Variants in XRCC5 observed in about 807,000 individuals in gnomAD.
XRCC5 encodes DNA repair protein Ku80.
In XRCC5, 12 loss-of-function variants were observed where a neutral mutation model predicts 95.7. The ratio of observed to expected loss-of-function variants is 0.13; its 90% CI spans 0.08 to 0.20. XRCC5 has a LOEUF of 0.20. Among genes scored for constraint, XRCC5 ranks in the 10% least tolerant of loss-of-function variants. The pLI, the probability that XRCC5 is intolerant of heterozygous loss-of-function variation, is 1.00. For synonymous variants in XRCC5, 281 were observed against 290.3 expected, an observed-to-expected ratio of 0.97 and a Z score of 0.33; for missense variants, 595 against 873.9, an observed-to-expected ratio of 0.68 and a Z score of 4.02.
chr2:216,125,284 G>A (rs1238030838), intron 6 of XRCC5, among the ~76,000 whole-genome samples: 1 of 150,272 alleles, frequency 6.7e-6, no homozygotes, highest in South Asian at 2.1e-4. Context: ...CGCAACCTCC[G>A]CCTCCCAGGT....
At chr2:216,126,849 T>C (rs1386012682) in intron 7 of XRCC5, among the ~76,000 whole-genome samples, 1 of 152,120 alleles carries the variant, frequency 6.6e-6, no homozygotes, top group Non-Finnish European at 1.5e-5. Flanking sequence ...TCCCTCCTCT[T>C]TTATTTTGGC....
At chr2:216,190,961 T>C (rs954001658) in intron 17 of XRCC5, among the ~76,000 whole-genome samples, 6 of 152,226 alleles carry the variant, frequency 3.9e-5, no homozygotes, top group Non-Finnish European at 7.3e-5. Flanking sequence ...TAGTATATGT[T>C]CTTGTGTGGG....
At chr2:216,132,878 C>A (rs1362261158) in intron 10 of XRCC5, among the ~76,000 whole-genome samples, 1 of 152,214 alleles carries the variant, frequency 6.6e-6, no homozygotes, top group African/African-American at 2.4e-5. Flanking sequence ...TCTGCCCTTT[C>A]TGTAAATATT....
At chr2:216,162,697 T>G (rs576697180) in intron 16 of XRCC5, among the ~76,000 whole-genome samples, 1 of 152,220 alleles carries the variant, frequency 6.6e-6, no homozygotes, top group African/African-American at 2.4e-5. Flanking sequence ...CGGCCACATC[T>G]TCCTATTTTC....
chr2:216,203,480 C>G (rs1471179827), intron 19 of XRCC5, among the ~76,000 whole-genome samples: 3 of 152,214 alleles, frequency 2.0e-5, no homozygotes, highest in Non-Finnish European at 2.9e-5. Flanking sequence ...CTCCCCACTG[C>G]TATCCCTTGG....
chr2:216,177,027 T>G (rs556573184), intron 16 of XRCC5, among the ~76,000 whole-genome samples: 1 of 152,246 alleles, frequency 6.6e-6, no homozygotes, highest in African/African-American at 2.4e-5. Context: ...TGTTGTTGAT[T>G]TTTAATTCTG....
intron 19 of XRCC5, among the ~76,000 whole-genome samples, chr2:216,199,890 GAA>G (rs200473269): frequency 5.2e-5 from 7 of 134,970 alleles, no homozygotes; most frequent in Non-Finnish European, 1.1e-4. Context: ...TAAGCTCTGT[GAA>G]AAAAAAATCA....
At chr2:216,189,000 C>G (rs1378701566) in intron 16 of XRCC5, among the ~76,000 whole-genome samples, 1 of 152,190 alleles carries the variant, frequency 6.6e-6, no homozygotes, top group Non-Finnish European at 1.5e-5. Flanking sequence ...TAGAAAATTG[C>G]TGTATTAAAA....
intron 14 of XRCC5, among the ~76,000 whole-genome samples, chr2:216,157,233 T>G (rs1208512083): frequency 7.2e-6 from 1 of 137,938 alleles, no homozygotes; most frequent in Non-Finnish European, 1.7e-5. Flanking sequence ...TTTTTGTTTT[T>G]TTTTTGTTGT....
rs1697118734 is a variant in XRCC5, at chr2:216,138,186, T to C, written c.1342+7T>C. 2 of 1,610,422 alleles carry C rather than the reference T, an allele frequency of 1.2e-6. No homozygotes were observed. Among genetic ancestry groups the C allele is most frequent in the Admixed American group, 3.3e-5 (2 of 59,868 alleles). On this transcript the variant is annotated splice_region_variant and intron_variant, in intron 12 of 20. Transcript: ENST00000392132. ...AAGAAATATGCTCCCACCGGTGAGT[T>C]TGTTTTCATTTAGATCACTCATTGA... is the stretch of plus-strand genomic sequence containing the variant.
At chr2:216,182,810 C>T (rs1263415476) in intron 16 of XRCC5, among the ~76,000 whole-genome samples, 1 of 152,118 alleles carries the variant, frequency 6.6e-6, no homozygotes, top group Non-Finnish European at 1.5e-5. Context: ...GCTGTATGCC[C>T]TATAAATATT....
intron 16 of XRCC5, among the ~76,000 whole-genome samples, chr2:216,187,340 C>T (rs1689512928): frequency 6.6e-6 from 1 of 151,922 alleles, no homozygotes; most frequent in South Asian, 2.1e-4. Flanking sequence ...GAGACTCCTG[C>T]TACTTCCTTT....
chr2:216,190,715 A>G lies in XRCC5; in HGVS notation c.1944+381A>G, dbSNP rs1574432095. Among the ~76,000 whole-genome samples, 6 of 152,340 alleles carry G rather than the reference A, an allele frequency of 3.9e-5. No homozygotes were observed. The Middle Eastern group carries it at 0.02, about 518-fold the overall frequency. ...ATGGGAAATATATATTGGTATAATTATTGAGAAAGATTTTATGAAGACAGG... is the reference window on the plus strand; with the variant it reads ...ATGGGAAATATATATTGGTATAATTGTTGAGAAAGATTTTATGAAGACAGG... On this transcript the variant is annotated intron_variant, in intron 17 of 20. Transcript: ENST00000392132.
At chr2:216,120,538 C>G (rs2106003081) in intron 5 of XRCC5, among the ~76,000 whole-genome samples, 1 of 152,178 alleles carries the variant, frequency 6.6e-6, no homozygotes, top group East Asian at 1.9e-4. Flanking sequence ...TAAAAAAATA[C>G]CAGCAGCTCA....
chr2:216,117,610 G>A, intron 3 of XRCC5, 136 bp from the exon 4 acceptor site: 1 of 727,012 alleles, frequency 1.4e-6, no homozygotes, highest in Non-Finnish European at 2.3e-6. Context: ...TTTGGAAGAA[G>A]GGCACTCAGG....
intron 13 of XRCC5, among the ~76,000 whole-genome samples, chr2:216,147,593 C>G (rs1456625352): frequency 6.6e-6 from 1 of 152,136 alleles, no homozygotes; most frequent in Non-Finnish European, 1.5e-5. Context: ...ATCTCTTTTG[C>G]AGACCTCTCT....
At position 216,118,876 on chromosome 2, in the gene XRCC5, G is replaced by T. The variant is rs188574269; in HGVS notation, c.369-167G>T. Among the ~76,000 whole-genome samples the T allele has an allele frequency of 3.9e-4, 60 of 152,252 alleles. No individual in the cohort carries two copies. The Middle Eastern group carries it at 0.014, about 35-fold the overall frequency. On this transcript the variant is annotated intron_variant, in intron 4 of 20. Coordinates refer to ENST00000392132, the MANE Select transcript of XRCC5 (RefSeq NM_021141.4). The stretch of plus-strand genomic sequence containing the variant: ...TGTTCAAAGTATAAAGTGTATCAGG[G>T]TTGATTATGAATTTAATAAGAACTT...
chr2:216,176,357 G>T (rs1689276208), intron 16 of XRCC5, among the ~76,000 whole-genome samples: 1 of 152,104 alleles, frequency 6.6e-6, no homozygotes, highest in Non-Finnish European at 1.5e-5. Flanking sequence ...GACCTCAAGT[G>T]ATCCACCCAC....
At chr2:216,146,803 G>A (rs1261205004) in intron 13 of XRCC5, among the ~76,000 whole-genome samples, 1 of 152,186 alleles carries the variant, frequency 6.6e-6, no homozygotes, top group Middle Eastern at 3.4e-3. Context: ...TGATCTTGGC[G>A]CCCCTCCCCC....
Sources: gnomAD v4.1 joint callset for allele counts (sites outside exome capture counted in the v4.1 genomes callset) on GRCh38, gnomAD v4.1.1 for gene constraint, MANE v1.5 for transcripts, NCBI Gene and HGNC (gene_info 2026-07-23, HGNC 2026-07-21) for gene names.